The following DENND1A variants were observed in gnomAD, a reference collection of about 807,000 sequenced individuals.
The protein encoded by DENND1A is DENN domain-containing protein 1A.
DENND1A carries 51 observed loss-of-function variants against 113.7 expected under a neutral mutation model. The ratio of observed to expected loss-of-function variants is 0.45; its 90% CI spans 0.36 to 0.57. The LOEUF is 0.57. Ranked by LOEUF, DENND1A falls within the 20% of genes least tolerant of loss-of-function variation. The probability of loss-of-function intolerance (pLI) is 0.00; values close to 1 mark genes in which losing one functional copy is unlikely to be tolerated. For synonymous variants in DENND1A, 565 were observed against 570.8 expected, an observed-to-expected ratio of 0.99 and a Z score of 0.14; for missense variants, 1,258 against 1,395.9, an observed-to-expected ratio of 0.90 and a Z score of 1.57.
In DENND1A at chr9:123,414,373, C is replaced by T. The variant is rs781008128; in HGVS notation, c.1489-2544G>A. ...TCTCCCCCTCCCAGTCCATCGCCTA[C>T]ATTTGTTTCCAGAGAGGACTTAAAA... On this transcript the variant is annotated intron_variant, in intron 19 of 23. Transcript: ENST00000394215. 332 of 1,427,484 alleles carry T rather than the reference C, an allele frequency of 2.3e-4. 3 individuals are homozygous for T. Among genetic ancestry groups the T allele is most frequent in the Non-Finnish European group, 5.8e-5 (63 of 1,094,294 alleles). The allele number at this position is 1,427,484 out of a possible 1,614,324, so 88.4% of individuals were successfully genotyped here.
chr9:123,415,314 A>G (rs2044636577), intron 19 of DENND1A, among the ~76,000 whole-genome samples: 1 of 152,120 alleles, frequency 6.6e-6, no homozygotes, highest in Admixed American at 6.5e-5. Flanking sequence ...GGCTGCACTC[A>G]CCGACCCTGG....
rs188193824 is a variant in DENND1A, at chr9:123,924,669, T to C, written c.17+5220A>G. ...GTCTCAAAAAAAAAAAAAAAGTAAATATTATAGTATGTGAATCTTATGTTG... is the reference window on the plus strand; with the variant it reads ...GTCTCAAAAAAAAAAAAAAAGTAAACATTATAGTATGTGAATCTTATGTTG... On this transcript the variant is annotated intron_variant, in intron 1 of 23. Transcript: ENST00000394215. 2.0e-4 allele frequency among the ~76,000 whole-genome samples: 30 copies of C among 150,050 alleles called. 1 individual carries two copies. Among genetic ancestry groups the C allele is most frequent in the Admixed American group, 1.9e-3 (29 of 15,070 alleles).
intron 13 of DENND1A, among the ~76,000 whole-genome samples, chr9:123,459,210 G>A (rs984832345): frequency 2.0e-5 from 3 of 152,172 alleles, no homozygotes; most frequent in Non-Finnish European, 4.4e-5. Flanking sequence ...CCTGTTACCT[G>A]AGTTCCATAA....
chr9:123,701,107 G>A (rs1187539201), intron 5 of DENND1A, among the ~76,000 whole-genome samples: 3 of 152,110 alleles, frequency 2.0e-5, no homozygotes, highest in African/African-American at 7.2e-5. Context: ...AGACAATATA[G>A]GGGAAAATCT....
intron 10 of DENND1A, among the ~76,000 whole-genome samples, chr9:123,619,088 AG>A (rs1195591034): frequency 6.6e-6 from 1 of 152,100 alleles, no homozygotes; most frequent in Non-Finnish European, 1.5e-5. Flanking sequence ...CTGGGATTAC[AG>A]GCACACGCCA....
chr9:123,383,911 G>A lies in DENND1A; in HGVS notation c.1763C>T (p.Pro588Leu), dbSNP rs752178995. The part of the protein sequence containing the change: ...SFFFSAPFEW[P>L]QPYRTLRESD... Reference sequence around the variant, plus strand: ...CTCCCTGAGTGTCCGATACGGCTGCGGCCTGTCGGGGACAGAGCAGGCTGC... The same window carrying A: ...CTCCCTGAGTGTCCGATACGGCTGCAGCCTGTCGGGGACAGAGCAGGCTGC... The change falls in exon 23 of 24, where the codon CCG becomes CTG. Residue 588 changes from proline to leucine, a missense_variant and splice_region_variant. By Grantham distance (98) the Pro-to-Leu change is moderately conservative. Around this residue, in one of 2 missense-constraint regions of DENND1A, gnomAD observed 1,159 missense variants for 1,231.7 expected, o/e 0.94. Transcript: ENST00000394215. The A allele has an allele frequency of 1.6e-5, 26 of 1,607,288 alleles. No homozygotes were observed. Among genetic ancestry groups the A allele is most frequent in the African/African-American group, 4.0e-5 (3 of 74,902 alleles).
At chr9:123,762,718 T>A (rs960124201) in intron 4 of DENND1A, among the ~76,000 whole-genome samples, 5 of 152,162 alleles carry the variant, frequency 3.3e-5, no homozygotes, top group Non-Finnish European at 7.4e-5. Flanking sequence ...ATACAGCTTG[T>A]AATAGTGGTA....
chr9:123,844,822 A>G (rs147359266), intron 2 of DENND1A, among the ~76,000 whole-genome samples: 294 of 152,338 alleles, frequency 1.9e-3, no homozygotes, highest in African/African-American at 7.0e-3. Flanking sequence ...AATTTACTAC[A>G]AATCTACAGT....
intron 9 of DENND1A, among the ~76,000 whole-genome samples, chr9:123,631,064 G>A (rs938181411): frequency 6.6e-6 from 1 of 152,038 alleles, no homozygotes; most frequent in Admixed American, 6.6e-5. Flanking sequence ...TGTATCTATA[G>A]TTCCTAAATG....
chr9:123,412,629 C>G (rs573867253), intron 19 of DENND1A, among the ~76,000 whole-genome samples: 1 of 152,350 alleles, frequency 6.6e-6, no homozygotes, highest in African/African-American at 2.4e-5. Context: ...AGAGCACAGA[C>G]TTCTCAGCTC....
intron 21 of DENND1A, among the ~76,000 whole-genome samples, chr9:123,395,494 G>A (rs200429588): frequency 6.8e-6 from 1 of 147,938 alleles, no homozygotes; most frequent in African/African-American, 2.5e-5. Flanking sequence ...GTGTGTGTGT[G>A]ACAGAGAGAG....
In DENND1A at chr9:123,602,415, A is replaced by G. The variant is rs938261500; in HGVS notation, c.765+7021T>C. 2.6e-5 allele frequency among the ~76,000 whole-genome samples: 4 copies of G among 152,276 alleles called. No individual in the cohort carries two copies. In the East Asian group the frequency reaches 5.8e-4, roughly 22 times the overall value. On this transcript the variant is annotated intron_variant, in intron 11 of 23. Transcript: ENST00000394215. ...TCTGTGGTTGGATGAATCTGTGGACATGGAACCTGTGGATGCAGAGCGCCA... is the reference window on the plus strand; with the variant it reads ...TCTGTGGTTGGATGAATCTGTGGACGTGGAACCTGTGGATGCAGAGCGCCA...
intron 5 of DENND1A, among the ~76,000 whole-genome samples, chr9:123,679,319 C>A (rs1000647650): frequency 1.3e-5 from 2 of 152,292 alleles, no homozygotes; most frequent in Admixed American, 6.5e-5. Flanking sequence ...CAAGTTGTCA[C>A]CTGCTGTGAG....
chr9:123,905,043 G>A (rs1852504539), intron 1 of DENND1A, among the ~76,000 whole-genome samples: 1 of 152,024 alleles, frequency 6.6e-6, no homozygotes. Context: ...AGAGAGTGGG[G>A]ACCAATATTC....
rs140590007 is a variant in DENND1A, at chr9:123,704,152, G to GA, written c.303-27364dup. Among the ~76,000 whole-genome samples the GA allele has an allele frequency of 1.7e-3, 253 of 144,780 alleles. 1 individual carries two copies. Among genetic ancestry groups the GA allele is most frequent in the Middle Eastern group, 3.6e-3 (1 of 280 alleles). 95.0% of individuals were successfully genotyped at this position (144,780 alleles called of 152,430 possible). On this transcript the variant is annotated intron_variant, in intron 5 of 23. Coordinates refer to ENST00000394215, the MANE Select transcript of DENND1A (RefSeq NM_001352964.2). ...ACTCTAGAGGCCCGAAAAATAAAATGAAAAAAAAAAATGGAACTCAGAAAA... is the reference window on the plus strand; with the variant it reads ...ACTCTAGAGGCCCGAAAAATAAAATGAAAAAAAAAAAATGGAACTCAGAAAA...
chr9:123,687,766 C>T (rs995912682), intron 5 of DENND1A, among the ~76,000 whole-genome samples: 1 of 152,202 alleles, frequency 6.6e-6, no homozygotes, highest in Admixed American at 6.5e-5. Context: ...GGCAAGCAGC[C>T]CTTCTTCTTG....
At chr9:123,681,915 T>C (rs561424749) in intron 5 of DENND1A, among the ~76,000 whole-genome samples, 2 of 148,098 alleles carry the variant, frequency 1.4e-5, no homozygotes, top group South Asian at 4.3e-4. Context: ...TGTGTTGGGT[T>C]AGGAAAAAAA....
At chr9:123,582,359 T>A (rs1307767660) in intron 12 of DENND1A, among the ~76,000 whole-genome samples, 1 of 152,030 alleles carries the variant, frequency 6.6e-6, no homozygotes, top group Non-Finnish European at 1.5e-5. Flanking sequence ...CTGATGAAAG[T>A]TCAAGTCAAA....
At chr9:123,649,836 C>A (rs529618080) in intron 9 of DENND1A, among the ~76,000 whole-genome samples, 4 of 152,244 alleles carry the variant, frequency 2.6e-5, no homozygotes, top group African/African-American at 9.6e-5. Flanking sequence ...TAATCCACCA[C>A]ATTTATGAGA....
Sources: gnomAD v4.1 joint callset for allele counts (sites outside exome capture counted in the v4.1 genomes callset) on GRCh38, gnomAD v4.1.1 for gene constraint, gnomAD v4.1.1 regional missense constraint, MANE v1.5 for transcripts, NCBI Gene and HGNC (gene_info 2026-07-23, HGNC 2026-07-21) for gene names.